Variants in APBA3 observed in about 807,000 individuals in gnomAD.
The protein encoded by APBA3 is amyloid-beta A4 precursor protein-binding family A member 3.
A neutral mutation model predicts 55.9 loss-of-function variants in APBA3; 45 were observed. The ratio of observed to expected loss-of-function variants is 0.80; its 90% CI spans 0.63 to 1.03. The LOEUF (loss-of-function observed/expected upper bound fraction) is 1.03, where lower values mean the gene tolerates loss of function less well. Among genes scored for constraint, APBA3 ranks in the 50% least tolerant of loss-of-function variants. The probability of loss-of-function intolerance (pLI) is 0.00; values close to 1 mark genes in which losing one functional copy is unlikely to be tolerated. For synonymous variants in APBA3, 370 were observed against 353.3 expected (o/e 1.05, Z -0.53); for missense variants, 865 against 820.3 (o/e 1.05, Z -0.67).
rs997586340 is a variant in APBA3, at chr19:3,759,910, C to T, written c.355G>A (p.Glu119Lys). Residue 119 changes from glutamate to lysine, a missense_variant, in exon 2 of 11, where the codon GAG (glutamate) becomes AAG (lysine). Coordinates refer to ENST00000316757, the MANE Select transcript of APBA3 (RefSeq NM_004886.4). ...CCAGTCTGGGAAGGCGGGCATTCCTCGCAGTGCAAGAGGCCCAGCAGGTCA... is the reference window on the plus strand; with the variant it reads ...CCAGTCTGGGAAGGCGGGCATTCCTTGCAGTGCAAGAGGCCCAGCAGGTCA... ...RDDLLGLLHC[E>K]ECPPSQTGPE... 8.1e-6 allele frequency: 13 copies of T among 1,611,508 alleles called. No homozygotes were observed. The highest frequency in any genetic ancestry group is 1.6e-4 in the Middle Eastern group (1 of 6,074).
At chr19:3,758,336 G>A (rs745531821) in intron 3 of APBA3, among the ~76,000 whole-genome samples, 42 of 151,860 alleles carry the variant, frequency 2.8e-4, no homozygotes, top group Non-Finnish European at 1.9e-4. Flanking sequence ...TCAGCTCACC[G>A]CAGTCTCGAC....
intron 8 of APBA3, 97 bp downstream of exon 8, chr19:3,752,411 T>C (rs2037018343): frequency 8.5e-7 from 1 of 1,182,382 alleles, no homozygotes; most frequent in Admixed American, 2.6e-5. Flanking sequence ...TTGTCCCTCC[T>C]GGCTGGGCTG....
rs368073664 is a variant in APBA3 at position 3,752,619 on chromosome 19, G to A, written c.1284C>T (p.His428=). ...CCCCCGAGCGCTCAGCAGGCCCCCC[G>A]TGCAGCAGGTTGGCGATGACGGCTG... ...LPTAVIANLL[H]GGPAERSGAL... is the part of the protein sequence containing the mutation. Residue 428 remains histidine, a synonymous_variant, in exon 8 of 11, where the codon CAC becomes CAT. Coordinates refer to ENST00000316757, the MANE Select transcript of APBA3 (RefSeq NM_004886.4). 5.0e-5 allele frequency: 79 copies of A among 1,587,324 alleles called. No individual in the cohort carries two copies. The highest frequency in any genetic ancestry group is 3.2e-4 in the African/African-American group (24 of 74,808).
intron 10 of APBA3, 37 bp downstream of exon 10, chr19:3,751,152 T>C (rs1213638976): frequency 1.9e-6 from 3 of 1,555,062 alleles, no homozygotes; most frequent in South Asian, 2.4e-5. Context: ...GTGGGGGACG[T>C]GGGGGCGCCC....
At chr19:3,751,609 A>G in intron 8 of APBA3, 56 bp from the exon 9 acceptor site, 1 of 1,530,078 alleles carries the variant, frequency 6.5e-7, no homozygotes, top group South Asian at 1.2e-5. Context: ...GGCAGGTTGT[A>G]GCCCCCTCTG....
chr19:3,760,317 T>A lies in APBA3; in HGVS notation c.-37-16A>T. The A allele has an allele frequency of 6.7e-7, 1 of 1,497,026 alleles. No individual in the cohort carries two copies. Among genetic ancestry groups the A allele is most frequent in the Non-Finnish European group, 8.9e-7 (1 of 1,121,582 alleles). The allele number at this position is 1,497,026 out of a possible 1,614,324, so 92.7% of individuals were successfully genotyped here. A position where few individuals can be genotyped will look rare whatever the true frequency, so the allele number is the denominator to read the frequency against. ...CTTCAGGCAGCTGAAAGAGAGAGAG[T>A]CAGCACTGAGGTTTCGCCCGGGTGC... On this transcript the variant is annotated splice_polypyrimidine_tract_variant and intron_variant, in intron 1 of 10. Transcript: ENST00000316757.
intron 8 of APBA3, chr19:3,751,773 A>C: frequency 1.8e-6 from 1 of 563,080 alleles, no homozygotes; most frequent in Non-Finnish European, 3.0e-6. Context: ...TATGGCCAAA[A>C]GCCAAGCCGA....
At chr19:3,758,828 G>A (rs1211866710) in intron 3 of APBA3, among the ~76,000 whole-genome samples, 4 of 151,344 alleles carry the variant, frequency 2.6e-5, no homozygotes, top group South Asian at 2.1e-4. Context: ...CAGTGAGCCG[G>A]GATCACGCCA....
chr19:3,759,925 C>T lies in APBA3; in HGVS notation c.340G>A (p.Gly114Ser). 6.2e-7 allele frequency: 1 copy of T among 1,610,962 alleles called. No homozygotes were observed. Among genetic ancestry groups the T allele is most frequent in the Non-Finnish European group, 8.5e-7 (1 of 1,179,292 alleles). Residue 114 changes from glycine (G) to serine (S), a missense_variant, in exon 2 of 11, where the codon GGC becomes AGC. Coordinates refer to ENST00000316757, the MANE Select transcript of APBA3 (RefSeq NM_004886.4). Reference protein sequence around the residue: ...SAEAGRDDLLGLLHCEECPPS... With the variant: ...SAEAGRDDLLSLLHCEECPPS... ...GGGCATTCCTCGCAGTGCAAGAGGC[C>T]CAGCAGGTCATCCCGGCCAGCTTCG... is the stretch of plus-strand genomic sequence containing the variant.
chr19:3,761,205 C>A (rs1303504741), intron 1 of APBA3, among the ~76,000 whole-genome samples: 1 of 152,088 alleles, frequency 6.6e-6, no homozygotes, highest in Non-Finnish European at 1.5e-5. Flanking sequence ...GACGCGGAAC[C>A]CAGGCTGGAG....
rs574424374 is a variant in APBA3 at position 3,751,103 on chromosome 19, G to C, written c.1657-6C>G. The stretch of plus-strand genomic sequence containing the variant: ...GGCATCGTCTTGATATGCACCTGGG[G>C]AGTGGAGGCGGAACGGGGCTCAGGG... On this transcript the variant is annotated splice_region_variant and splice_polypyrimidine_tract_variant and intron_variant, in intron 10 of 10. Transcript: ENST00000316757. The C allele has an allele frequency of 1.3e-6, 2 of 1,566,514 alleles. No individual in the cohort carries two copies. The highest frequency in any genetic ancestry group is 1.7e-6 in the Non-Finnish European group (2 of 1,155,276).
chr19:3,759,100 G>A (rs553201711), intron 3 of APBA3, among the ~76,000 whole-genome samples: 30 of 152,156 alleles, frequency 2.0e-4, no homozygotes, highest in Non-Finnish European at 3.5e-4. Context: ...GTGGTGGCAC[G>A]CACCTGTAGT....
chr19:3,759,529 G>A (rs776822207), intron 3 of APBA3, 32 bp downstream of exon 3: 3 of 1,580,106 alleles, frequency 1.9e-6, no homozygotes, highest in Non-Finnish European at 2.6e-6. Context: ...GGGGCCTTCA[G>A]TGCCTGAGGC....
intron 8 of APBA3, 37 bp downstream of exon 8, chr19:3,752,471 T>C (rs778602088): frequency 3.3e-6 from 5 of 1,521,148 alleles, no homozygotes; most frequent in Non-Finnish European, 4.4e-6. Flanking sequence ...CTCCCCTTCC[T>C]GGGAGTGTGG....
intron 1 of APBA3, among the ~76,000 whole-genome samples, chr19:3,760,885 C>G (rs868123264): frequency 6.6e-6 from 1 of 152,058 alleles, no homozygotes; most frequent in Admixed American, 6.5e-5. Flanking sequence ...TGCACTCCAG[C>G]CTGGGTGACA....
chr19:3,755,559 C>CGGGAGG, intron 3 of APBA3: 1 of 51,264 alleles, frequency 2.0e-5, no homozygotes, highest in South Asian at 7.7e-4. Context: ...TTTAGGAGGC[C>CGGGAGG]GGGGGGGGGG....
intron 1 of APBA3, among the ~76,000 whole-genome samples, chr19:3,760,518 G>A (rs1408874632): frequency 1.4e-5 from 2 of 146,150 alleles, no homozygotes; most frequent in Non-Finnish European, 3.1e-5. Context: ...GTGAGGCCGA[G>A]GCGGGCAGAT....
intron 3 of APBA3, chr19:3,755,005 C>T (rs1470476201): frequency 6.6e-6 from 1 of 152,358 alleles, no homozygotes; most frequent in Non-Finnish European, 1.5e-5. Flanking sequence ...CATTCTAGAA[C>T]CACAGTGGAC....
rs150691982 is a variant in APBA3, at chr19:3,756,854, T to C, written c.617-2514A>G. On this transcript the variant is annotated intron_variant, in intron 3 of 10. Coordinates refer to ENST00000316757, the MANE Select transcript of APBA3 (RefSeq NM_004886.4). ...CATCTAGAACTTTCTGATTACACTATAATTGGACAGCTCTGCCCAGGGTTA... is the reference window on the plus strand; with the variant it reads ...CATCTAGAACTTTCTGATTACACTACAATTGGACAGCTCTGCCCAGGGTTA... Among the ~76,000 whole-genome samples the C allele has an allele frequency of 7.2e-5, 11 of 152,370 alleles. No individual in the cohort carries two copies. The East Asian group carries it at 2.1e-3, about 29-fold the overall frequency.
Sources: allele counts gnomAD v4.1 joint callset (sites outside exome capture counted in the v4.1 genomes callset), GRCh38; gene constraint gnomAD v4.1.1; transcripts MANE v1.5; gene names NCBI Gene and HGNC (gene_info 2026-07-23, HGNC 2026-07-21).